ERBB4: variants seen among roughly 807,000 people sequenced by gnomAD.
ERBB4 encodes the protein erb-b2 receptor tyrosine kinase 4.
In ERBB4, 42 loss-of-function variants were observed where a neutral mutation model predicts 158.0. The observed-to-expected ratio is 0.27, with a 90% CI of 0.21 to 0.34. ERBB4 has a LOEUF of 0.34. Among genes scored for constraint, ERBB4 ranks in the 10% least tolerant of loss-of-function variants. ERBB4 has a pLI of 1.00. For synonymous variants in ERBB4, 583 were observed against 558.7 expected, an observed-to-expected ratio of 1.04 and a Z score of -0.61; for missense variants, 1,333 against 1,624.1, an observed-to-expected ratio of 0.82 and a Z score of 3.08.
intron 1 of ERBB4, among the ~76,000 whole-genome samples, chr2:212,406,764 G>A (rs2091356300): frequency 6.6e-6 from 1 of 152,032 alleles, no homozygotes; most frequent in African/African-American, 2.4e-5. Flanking sequence ...ACCAATACTT[G>A]CATTATGAGT....
chr2:212,397,544 C>A (rs2091067319), intron 1 of ERBB4, among the ~76,000 whole-genome samples: 1 of 151,650 alleles, frequency 6.6e-6, no homozygotes, highest in African/African-American at 2.4e-5. Context: ...AGGGAGGTTG[C>A]AACTTTGTCT....
At chr2:211,930,444 A>T (rs1428577041) in intron 3 of ERBB4, among the ~76,000 whole-genome samples, 1 of 152,170 alleles carries the variant, frequency 6.6e-6, no homozygotes, top group Non-Finnish European at 1.5e-5. Flanking sequence ...CCTTTCTTAA[A>T]TTTTCATGTT....
intron 5 of ERBB4, among the ~76,000 whole-genome samples, chr2:211,728,817 A>G (rs76444868): frequency 0.039 from 5,961 of 151,896 alleles, 333 homozygotes; most frequent in East Asian, 0.23. Flanking sequence ...GATTTAAAGT[A>G]ACTAGACAAA....
At position 211,773,856 on chromosome 2, in the gene ERBB4, T is replaced by C. The variant is rs536562028; in HGVS notation, c.556+14169A>G. ...TCAGATCACGTAGGACATTAATCATTGAACAAACGAATCTTCAATAGTGGC... is the reference window on the plus strand; with the variant it reads ...TCAGATCACGTAGGACATTAATCATCGAACAAACGAATCTTCAATAGTGGC... On this transcript the variant is annotated intron_variant, in intron 4 of 27. Transcript: ENST00000342788. Among the ~76,000 whole-genome samples, 11 of 151,638 alleles carry C rather than the reference T, an allele frequency of 7.3e-5. No individual in the cohort carries two copies. The East Asian group carries it at 2.1e-3, about 29-fold the overall frequency.
At chr2:212,163,190 CCCTAAATGCTA>C (rs1328588763) in intron 1 of ERBB4, among the ~76,000 whole-genome samples, 1 of 151,888 alleles carries the variant, frequency 6.6e-6, no homozygotes, top group Non-Finnish European at 1.5e-5. Flanking sequence ...AACAAATGAG[CCCTAAATGCTA>C]CCTATCTGTG....
At chr2:212,408,177 T>A (rs2091402280) in intron 1 of ERBB4, among the ~76,000 whole-genome samples, 1 of 152,032 alleles carries the variant, frequency 6.6e-6, no homozygotes, top group Admixed American at 6.6e-5. Context: ...GCTGCACCTA[T>A]CAAACCATCA....
rs1359585637 is a variant in ERBB4, at chr2:211,857,472, C to A, written c.422-69313G>T. 2.0e-5 allele frequency among the ~76,000 whole-genome samples: 3 copies of A among 151,744 alleles called. No individual in the cohort carries two copies. In the East Asian group the frequency reaches 5.8e-4, roughly 29 times the overall value. ...TATAATACATTTTAAACGGCATTGC[C>A]TCTTGCTCAAATAACTTGAAAATTA... On this transcript the variant is annotated intron_variant, in intron 3 of 27. Coordinates refer to ENST00000342788, the MANE Select transcript of ERBB4 (RefSeq NM_005235.3).
intron 2 of ERBB4, among the ~76,000 whole-genome samples, chr2:212,113,126 T>C (rs968832395): frequency 6.6e-6 from 1 of 152,018 alleles, no homozygotes; most frequent in East Asian, 1.9e-4. Context: ...CAGATCGAAT[T>C]TGGGGGAGCA....
At chr2:212,438,810 G>A (rs1005320180) in intron 1 of ERBB4, among the ~76,000 whole-genome samples, 6 of 152,090 alleles carry the variant, frequency 3.9e-5, no homozygotes, top group African/African-American at 1.2e-4. Flanking sequence ...TAAACCAGAA[G>A]AATGAATGTA....
intron 16 of ERBB4, among the ~76,000 whole-genome samples, chr2:211,656,873 T>A (rs949694791): frequency 2.6e-5 from 4 of 152,368 alleles, no homozygotes; most frequent in South Asian, 2.1e-4. Flanking sequence ...GAAGAACATT[T>A]GAGTAGTTTC....
At chr2:211,800,580 C>T (rs1257968047) in intron 3 of ERBB4, among the ~76,000 whole-genome samples, 1 of 151,006 alleles carries the variant, frequency 6.6e-6, no homozygotes. Context: ...TCCCTGAAGT[C>T]CTTTTTGAAA....
intron 3 of ERBB4, among the ~76,000 whole-genome samples, chr2:211,900,462 T>C (rs2079205892): frequency 6.6e-6 from 1 of 152,018 alleles, no homozygotes; most frequent in Non-Finnish European, 1.5e-5. Context: ...CTCATTGCTC[T>C]TTAAAAGTAC....
intron 20 of ERBB4, among the ~76,000 whole-genome samples, chr2:211,474,929 A>C (rs2064917995): frequency 6.6e-6 from 1 of 152,078 alleles, no homozygotes; most frequent in Admixed American, 6.6e-5. Context: ...GGAAGCAGTC[A>C]AAGAAAGGAA....
At chr2:212,349,287 T>TCTCACA (rs373195887) in intron 1 of ERBB4, among the ~76,000 whole-genome samples, 4 of 146,376 alleles carry the variant, frequency 2.7e-5, no homozygotes, top group Non-Finnish European at 6.0e-5. Context: ...AACTTCTTAA[T>TCTCACA]CACACACACA....
At chr2:212,237,775 C>G (rs369568747) in intron 1 of ERBB4, among the ~76,000 whole-genome samples, 1 of 152,236 alleles carries the variant, frequency 6.6e-6, no homozygotes, top group Admixed American at 6.5e-5. Context: ...GATGTCCTGC[C>G]CAGAGAGGAG....
intron 3 of ERBB4, among the ~76,000 whole-genome samples, chr2:211,836,454 G>A (rs12989469): frequency 0.21 from 32,640 of 151,920 alleles, 3,645 homozygotes; most frequent in South Asian, 0.33. Flanking sequence ...ATATTTCTAC[G>A]AGGGAAATCC....
intron 2 of ERBB4, among the ~76,000 whole-genome samples, chr2:212,093,728 C>T (rs1485375843): frequency 1.3e-5 from 2 of 152,124 alleles, no homozygotes; most frequent in African/African-American, 4.8e-5. Flanking sequence ...TTAATTGTGA[C>T]ATATACTCAG....
intron 2 of ERBB4, among the ~76,000 whole-genome samples, chr2:212,073,672 A>C (rs1422559636): frequency 6.6e-6 from 1 of 152,016 alleles, no homozygotes; most frequent in African/African-American, 2.4e-5. Context: ...TGCACAGAGC[A>C]GGGTGAAGAA....
chr2:211,474,399 G>A (rs2125533740), intron 20 of ERBB4, among the ~76,000 whole-genome samples: 1 of 152,142 alleles, frequency 6.6e-6, no homozygotes, highest in African/African-American at 2.4e-5. Flanking sequence ...TCACATTAAT[G>A]ATAAGTGGTA....
Sources: allele counts gnomAD v4.1 joint callset (sites outside exome capture counted in the v4.1 genomes callset), GRCh38; gene constraint gnomAD v4.1.1; transcripts MANE v1.5; gene names NCBI Gene and HGNC (gene_info 2026-07-23, HGNC 2026-07-21).